Variants in ECHDC1 observed in about 807,000 individuals in gnomAD.
ECHDC1 encodes the protein ethylmalonyl-CoA decarboxylase 1.
In ECHDC1, 29 loss-of-function variants were observed where a neutral mutation model predicts 29.7. The ratio of observed to expected loss-of-function variants is 0.98; its 90% CI spans 0.73 to 1.33. The LOEUF (loss-of-function observed/expected upper bound fraction) is 1.33. Among genes scored for constraint, ECHDC1 ranks in the 40% most tolerant of loss-of-function variants. ECHDC1 has a pLI of 0.00. For missense variants in ECHDC1, 328 were observed against 350.0 expected, an observed-to-expected ratio of 0.94 and a Z score of 0.50; for synonymous variants, 126 against 123.1, an observed-to-expected ratio of 1.02 and a Z score of -0.15.
chr6:127,309,724 T>C (rs116252187), intron 5 of ECHDC1, among the ~76,000 whole-genome samples: 261 of 152,280 alleles, frequency 1.7e-3, no homozygotes, highest in African/African-American at 6.0e-3. Context: ...AGAGGTTTAA[T>C]TGACTCATAG....
rs1008542724 is a variant in ECHDC1 at position 127,313,345 on chromosome 6, G to A, written c.497+1471C>T. On this transcript the variant is annotated intron_variant, in intron 5 of 5. Transcript: ENST00000454859. ...CAGACTCCCAAGTTGTAGGACTACA[G>A]GCATGTGCCACCACACCTGGCTAAT... 4 of 276,608 alleles carry A rather than the reference G, an allele frequency of 1.4e-5. No homozygotes were observed. In the Admixed American group the frequency reaches 1.7e-4, roughly 12 times the overall value. The allele number at this position is 276,608 out of a possible 1,614,324, so 17.1% of individuals were successfully genotyped here.
At position 127,320,631 on chromosome 6, in the gene ECHDC1, G is replaced by T. The variant is rs1257198581; in HGVS notation, c.364-4129C>A. 3.3e-5 allele frequency among the ~76,000 whole-genome samples: 5 copies of T among 152,288 alleles called. No individual in the cohort carries two copies. The East Asian group carries it at 9.6e-4, about 29-fold the overall frequency. On this transcript the variant is annotated intron_variant, in intron 3 of 5. Transcript: ENST00000454859. ...TTTGATTACTTATTCCCTCTGAAAAGAAACTTCTTATAGCCTACAGGACAT... is the reference window on the plus strand; with the variant it reads ...TTTGATTACTTATTCCCTCTGAAAATAAACTTCTTATAGCCTACAGGACAT...
At chr6:127,301,922 T>C (rs1019770284) in intron 5 of ECHDC1, among the ~76,000 whole-genome samples, 1 of 152,184 alleles carries the variant, frequency 6.6e-6, no homozygotes, top group Non-Finnish European at 1.5e-5. Flanking sequence ...ATGTGGGTGC[T>C]GAAATATGTT....
At chr6:127,333,666 T>TACACACAC (rs10523734) in intron 1 of ECHDC1, among the ~76,000 whole-genome samples, 3,066 of 128,092 alleles carry the variant, frequency 0.024, 68 homozygotes, top group Non-Finnish European at 0.033. Context: ...CTCTTTCTCT[T>TACACACAC]ACACACACAC....
chr6:127,342,158 G>A (rs1456925943), intron 1 of ECHDC1, among the ~76,000 whole-genome samples: 1 of 152,196 alleles, frequency 6.6e-6, no homozygotes, highest in African/African-American at 2.4e-5. Context: ...TCTGCTCTCA[G>A]AACATCTGTA....
chr6:127,289,689 C>G lies in ECHDC1; in HGVS notation c.*180G>C, dbSNP rs191597483. The G allele has an allele frequency of 8.1e-4, 516 of 640,014 alleles. 2 individuals carry two copies. In the African/African-American group the frequency reaches 8.8e-3, roughly 11 times the overall value. The allele number at this position is 640,014 out of a possible 1,614,324, so 39.6% of individuals were successfully genotyped here. On this transcript the variant is annotated 3_prime_UTR_variant, in exon 6 of 6. Transcript: ENST00000454859. ...TGTTCCAGATTACGCAGTAAATACC[C>G]AAGTGAGTAATTGGCAAGAAATGAG...
chr6:127,343,568 C>T lies in ECHDC1; in HGVS notation c.-235G>A, dbSNP rs972374354. On this transcript the variant is annotated 5_prime_UTR_variant, in exon 1 of 6. Coordinates refer to ENST00000454859, the MANE Select transcript of ECHDC1 (RefSeq NM_001002030.2). The stretch of plus-strand genomic sequence containing the variant: ...TTCCCGTGACCCCGGAAATCCCGCT[C>T]CTGCCGCGAGGCGCCCTCCGCTTCG... 6.6e-6 allele frequency: 1 copy of T among 152,202 alleles called. No homozygotes were observed. The highest frequency in any genetic ancestry group is 2.1e-4 in the South Asian group (1 of 4,836). The allele number at this position is 152,202 out of a possible 1,614,324, so 9.4% of individuals were successfully genotyped here. A position where few individuals can be genotyped will look rare whatever the true frequency, so the allele number is the denominator to read the frequency against.
intron 5 of ECHDC1, among the ~76,000 whole-genome samples, chr6:127,309,049 A>G (rs1367306879): frequency 6.6e-6 from 1 of 152,222 alleles, no homozygotes; most frequent in African/African-American, 2.4e-5. Flanking sequence ...CTAGATATTC[A>G]GTGTAATTCC....
intron 5 of ECHDC1, among the ~76,000 whole-genome samples, chr6:127,295,138 G>A (rs1780495873): frequency 1.3e-5 from 2 of 152,016 alleles, no homozygotes; most frequent in South Asian, 4.2e-4. Flanking sequence ...TAGTATAGAC[G>A]AGGTTTCACC....
intron 2 of ECHDC1, among the ~76,000 whole-genome samples, chr6:127,328,591 G>A (rs1783581546): frequency 1.3e-5 from 2 of 152,206 alleles, no homozygotes; most frequent in African/African-American, 2.4e-5. Context: ...TTCCAAGGAT[G>A]TCCTAGATCC....
At chr6:127,290,391 T>C in intron 5 of ECHDC1, 114 bp from the exon 6 acceptor site, 1 of 1,078,914 alleles carries the variant, frequency 9.3e-7, no homozygotes, top group Non-Finnish European at 1.3e-6. Context: ...TAGGTAGGTA[T>C]ATTAAAAACA....
At chr6:127,342,558 C>T (rs13207650) in intron 1 of ECHDC1, 191,539 of 552,876 alleles carry the variant, frequency 0.35, 38,828 homozygotes, top group Non-Finnish European at 0.44. Context: ...CTTGTCTGTT[C>T]CAAGAGAATG....
At chr6:127,325,400 G>A (rs1783230383) in intron 3 of ECHDC1, among the ~76,000 whole-genome samples, 1 of 152,138 alleles carries the variant, frequency 6.6e-6, no homozygotes. Flanking sequence ...ACTGAAATAT[G>A]AATGAAGTGT....
At chr6:127,340,583 A>G (rs1163683746) in intron 1 of ECHDC1, among the ~76,000 whole-genome samples, 2 of 152,236 alleles carry the variant, frequency 1.3e-5, no homozygotes, top group African/African-American at 2.4e-5. Context: ...TAGCATGCCT[A>G]GGGTCTTGCT....
chr6:127,294,531 T>G (rs887493106), intron 5 of ECHDC1: 16 of 152,204 alleles, frequency 1.1e-4, no homozygotes, highest in African/African-American at 3.6e-4. Flanking sequence ...CTCAGATGAT[T>G]GGCTTCATGA....
In ECHDC1 at chr6:127,336,426, T is replaced by C. The variant is rs962060668; in HGVS notation, c.-2-5396A>G. ...ATTTAACTTATCTCTTTCCCTTATA[T>C]AGCTCCATTACCCAAAACTGCAGTC... On this transcript the variant is annotated intron_variant, in intron 1 of 5. Transcript: ENST00000454859. 6.6e-5 allele frequency among the ~76,000 whole-genome samples: 10 copies of C among 152,180 alleles called. No individual in the cohort carries two copies. In the East Asian group the frequency reaches 9.6e-4, roughly 15 times the overall value.
intron 3 of ECHDC1, among the ~76,000 whole-genome samples, chr6:127,319,436 T>C (rs186159565): frequency 6.6e-6 from 1 of 152,330 alleles, no homozygotes; most frequent in East Asian, 1.9e-4. Flanking sequence ...TTAATATTAC[T>C]AACAATACTG....
chr6:127,295,147 C>T (rs552218741), intron 5 of ECHDC1, among the ~76,000 whole-genome samples: 1 of 152,174 alleles, frequency 6.6e-6, no homozygotes, highest in African/African-American at 2.4e-5. Context: ...CGAGGTTTCA[C>T]CATGTTGGCC....
intron 5 of ECHDC1, among the ~76,000 whole-genome samples, chr6:127,293,966 C>A (rs1181314183): frequency 1.3e-5 from 2 of 152,100 alleles, no homozygotes; most frequent in Non-Finnish European, 2.9e-5. Flanking sequence ...AAGAAATATT[C>A]AATTTTTATA....
Sources: allele counts gnomAD v4.1 joint callset (sites outside exome capture counted in the v4.1 genomes callset), GRCh38; gene constraint gnomAD v4.1.1; transcripts MANE v1.5; gene names NCBI Gene and HGNC (gene_info 2026-07-23, HGNC 2026-07-21).